The following DPH6 variants were observed in gnomAD, a reference collection of about 807,000 sequenced individuals.
The protein encoded by DPH6 is diphthamine biosynthesis 6, also known as diphthine--ammonia ligase.
DPH6 carries 33 observed loss-of-function variants against 38.2 expected under a neutral mutation model. The ratio of observed to expected loss-of-function variants is 0.86; its 90% CI spans 0.65 to 1.15. The LOEUF is 1.15. Among genes scored for constraint, DPH6 ranks in the 50% most tolerant of loss-of-function variants. The pLI is 0.00. For synonymous variants in DPH6, 108 were observed against 103.0 expected (o/e 1.05, Z -0.30); for missense variants, 325 against 320.0 (o/e 1.02, Z -0.12).
the DPH6 span, among the ~76,000 whole-genome samples, chr15:35,165,551 A>C: frequency 6.6e-6 from 1 of 151,928 alleles, no homozygotes; most frequent in East Asian, 1.9e-4. Context: ...TTTCAGTCCT[A>C]TATAAATATA....
chr15:35,212,950 T>C (rs1019940532), downstream of DPH6, among the ~76,000 whole-genome samples: 9 of 152,226 alleles, frequency 5.9e-5, no homozygotes, highest in Non-Finnish European at 1.0e-4. Flanking sequence ...AACAAAATAA[T>C]TTATATTTGA....
chr15:35,392,660 C>T (rs1417962134), intron 6 of DPH6, among the ~76,000 whole-genome samples: 1 of 152,050 alleles, frequency 6.6e-6, no homozygotes, highest in Non-Finnish European at 1.5e-5. Flanking sequence ...TTGTATAGAC[C>T]AAAATTTAAA....
intron 6 of DPH6, among the ~76,000 whole-genome samples, chr15:35,407,891 T>C (rs2053315992): frequency 6.6e-6 from 1 of 152,146 alleles, no homozygotes; most frequent in South Asian, 2.1e-4. Flanking sequence ...GCTGTTTGGA[T>C]GTTATTCTAA....
chr15:35,280,802 T>C (rs1192854012), intron 3 of DPH6, among the ~76,000 whole-genome samples: 2 of 152,216 alleles, frequency 1.3e-5, no homozygotes, highest in African/African-American at 4.8e-5. Context: ...CTAGTTCTCA[T>C]AACAAAGAAT....
intron 3 of DPH6, among the ~76,000 whole-genome samples, chr15:35,281,762 C>G (rs956914918): frequency 1.3e-5 from 2 of 152,172 alleles, no homozygotes; most frequent in African/African-American, 2.4e-5. Flanking sequence ...AGGGCCAATA[C>G]AGCTTAAGGA....
In DPH6 at chr15:35,471,044, A is replaced by C. The variant is rs1055087001; in HGVS notation, c.313-16224T>G. Among the ~76,000 whole-genome samples, 11 of 152,218 alleles carry C rather than the reference A, an allele frequency of 7.2e-5. 1 individual carries two copies. The highest frequency in any genetic ancestry group is 2.6e-4 in the Admixed American group (4 of 15,278). On this transcript the variant is annotated intron_variant, in intron 3 of 8. Coordinates refer to ENST00000256538, the MANE Select transcript of DPH6 (RefSeq NM_080650.4). ...CATACACATTAACAAAATCTTGTACAAATTTCTTAACTCTCATCAACTCAG... is the reference window on the plus strand; with the variant it reads ...CATACACATTAACAAAATCTTGTACCAATTTCTTAACTCTCATCAACTCAG...
intron 5 of DPH6, among the ~76,000 whole-genome samples, chr15:35,416,601 C>T (rs961627147): frequency 2.0e-5 from 3 of 152,040 alleles, no homozygotes; most frequent in Admixed American, 2.0e-4. Flanking sequence ...TTCTATCAGG[C>T]TAACATGTTC....
chr15:35,265,757 A>G (rs1197579685), intron 3 of DPH6, among the ~76,000 whole-genome samples: 1 of 152,274 alleles, frequency 6.6e-6, no homozygotes, highest in African/African-American at 2.4e-5. Flanking sequence ...GTAAAATATG[A>G]AACCAATGCA....
intron 3 of DPH6, among the ~76,000 whole-genome samples, chr15:35,257,029 T>C (rs956492631): frequency 4.6e-5 from 7 of 152,148 alleles, no homozygotes; most frequent in South Asian, 4.1e-4. Flanking sequence ...GGTGATTTGA[T>C]AGTGACAGGG....
At chr15:35,347,141 C>T (rs535063872) in intron 3 of DPH6, among the ~76,000 whole-genome samples, 6 of 152,228 alleles carry the variant, frequency 3.9e-5, no homozygotes, top group Admixed American at 2.0e-4. Context: ...TTGAACTCTC[C>T]TTTTCCCCTT....
At chr15:35,186,884 C>A in the DPH6 span, among the ~76,000 whole-genome samples, 1 of 151,882 alleles carries the variant, frequency 6.6e-6, no homozygotes, top group African/African-American at 2.4e-5. Flanking sequence ...GAAGATTCCT[C>A]AAAAAATTAA....
At chr15:35,243,361 A>G (rs1245015304) in intron 3 of DPH6, among the ~76,000 whole-genome samples, 1 of 141,998 alleles carries the variant, frequency 7.0e-6, no homozygotes, top group East Asian at 2.2e-4. Context: ...ACACTTCAAC[A>G]CTATTTTGTT....
chr15:35,345,376 C>G (rs892836530), intron 3 of DPH6, among the ~76,000 whole-genome samples: 1 of 151,772 alleles, frequency 6.6e-6, no homozygotes. Flanking sequence ...CTTGCCCATT[C>G]CACTGGTTGA....
intron 6 of DPH6, among the ~76,000 whole-genome samples, chr15:35,404,342 T>C (rs1050273838): frequency 2.0e-5 from 3 of 152,140 alleles, no homozygotes; most frequent in East Asian, 1.9e-4. Flanking sequence ...TACATTCCCA[T>C]AGACAGCATA....
chr15:35,405,533 G>C (rs778017532), intron 6 of DPH6, among the ~76,000 whole-genome samples: 39 of 151,992 alleles, frequency 2.6e-4, no homozygotes, highest in Non-Finnish European at 2.1e-4. Context: ...ACATGCTATT[G>C]ATTTTTGTTT....
At chr15:35,440,595 A>G (rs1016062910) in intron 5 of DPH6, among the ~76,000 whole-genome samples, 1 of 152,082 alleles carries the variant, frequency 6.6e-6, no homozygotes, top group African/African-American at 2.4e-5. Context: ...CCTTATCCCT[A>G]TCCTTATCCT....
At chr15:35,345,740 A>C (rs1253401254) in intron 3 of DPH6, among the ~76,000 whole-genome samples, 1 of 151,908 alleles carries the variant, frequency 6.6e-6, no homozygotes, top group Non-Finnish European at 1.5e-5. Flanking sequence ...GTATATTTTT[A>C]AAACTTAGAA....
intron 5 of DPH6, among the ~76,000 whole-genome samples, chr15:35,417,593 A>G (rs1459150845): frequency 6.6e-6 from 1 of 152,096 alleles, no homozygotes; most frequent in Admixed American, 6.6e-5. Flanking sequence ...TTTACCAACA[A>G]GAAGAACCCA....
At chr15:35,472,040 G>A (rs1253446103) in intron 3 of DPH6, among the ~76,000 whole-genome samples, 3 of 152,078 alleles carry the variant, frequency 2.0e-5, no homozygotes, top group Non-Finnish European at 4.4e-5. Context: ...AATCGTGCCC[G>A]TGAATAGCCA....
Sources: gnomAD v4.1 joint callset for allele counts (sites outside exome capture counted in the v4.1 genomes callset) on GRCh38, gnomAD v4.1.1 for gene constraint, MANE v1.5 for transcripts, NCBI Gene and HGNC (gene_info 2026-07-23, HGNC 2026-07-21) for gene names.